FCHO1: variants seen among roughly 807,000 people sequenced by gnomAD.
FCHO1 encodes the protein FCH and mu domain containing endocytic adaptor 1.
A neutral mutation model predicts 114.4 loss-of-function variants in FCHO1; 45 were observed. The observed-to-expected ratio is 0.39, with a 90% CI of 0.31 to 0.50. The LOEUF (loss-of-function observed/expected upper bound fraction) is 0.50, where lower values mean the gene tolerates loss of function less well. Among genes scored for constraint, FCHO1 ranks in the 20% least tolerant of loss-of-function variants. The pLI, the probability that FCHO1 is intolerant of heterozygous loss-of-function variation, is 0.77. For missense variants in FCHO1, 1,042 were observed against 1,209.6 expected (o/e 0.86, Z 2.06); for synonymous variants, 480 against 488.9 (o/e 0.98, Z 0.24).
At chr19:17,756,820 C>T (rs994955703) in intron 4 of FCHO1, among the ~76,000 whole-genome samples, 9 of 152,036 alleles carry the variant, frequency 5.9e-5, no homozygotes, top group Admixed American at 6.6e-5. Context: ...AGGGCAGGGC[C>T]GAAGCATGAA....
At chr19:17,752,341 C>G (rs1012496638) in intron 1 of FCHO1, 1 of 152,148 alleles carries the variant, frequency 6.6e-6, no homozygotes, top group African/African-American at 2.4e-5. Context: ...TCACTACAAC[C>G]TCCGCCTCCC....
rs142922726 is a variant in FCHO1 at position 17,770,832 on chromosome 19, G to T, written c.530G>T (p.Arg177Leu). The T allele has an allele frequency of 6.2e-7, 1 of 1,614,024 alleles. No homozygotes were observed. The highest frequency in any genetic ancestry group is 1.3e-5 in the African/African-American group (1 of 74,938). Residue 177 changes from arginine (R) to leucine (L), a missense_variant, in exon 9 of 29, where the codon CGC (arginine) becomes CTC (leucine). By Grantham distance (102) the Arg-to-Leu change is moderately radical. Transcript: ENST00000596536. ...AAGAAGGCGGCAGAGAGCCTGCGGC[G>T]CTCAGTGGAAAAATACAACTCAGCC... ...KTKKAAESLR[R>L]SVEKYNSARA... is the part of the protein sequence containing the mutation.
Position 17,776,550 on chromosome 19 carries a change from C to A in FCHO1, c.1208-85C>A. 1 of 1,496,896 alleles carries A rather than the reference C, an allele frequency of 6.7e-7. No individual in the cohort carries two copies. The highest frequency in any genetic ancestry group is 9.3e-7 in the Non-Finnish European group (1 of 1,075,204). The allele number at this position is 1,496,896 out of a possible 1,614,324, so 92.7% of individuals were successfully genotyped here. A position where few individuals can be genotyped will look rare whatever the true frequency, so the allele number is the denominator to read the frequency against. On this transcript the variant is annotated intron_variant, in intron 17 of 28. Coordinates refer to ENST00000596536, the MANE Select transcript of FCHO1 (RefSeq NM_015122.3). The surrounding 1 kb of genome is among the most constrained non-coding windows in gnomAD (Gnocchi z 4.4). ...CACCTTGGGCAACTGGCTGGACACCCCCGAGCCTCGGTCCCTTGGTCTGTG... is the reference window on the plus strand; with the variant it reads ...CACCTTGGGCAACTGGCTGGACACCACCGAGCCTCGGTCCCTTGGTCTGTG...
intron 9 of FCHO1, among the ~76,000 whole-genome samples, chr19:17,771,241 A>T (rs1044200136): frequency 1.3e-5 from 2 of 151,748 alleles, no homozygotes; most frequent in African/African-American, 2.4e-5. Context: ...GATAGAGTGG[A>T]ACCCTGTCTC....
chr19:17,753,354 T>G (rs1214280885), intron 1 of FCHO1, among the ~76,000 whole-genome samples: 1 of 152,214 alleles, frequency 6.6e-6, no homozygotes, highest in Non-Finnish European at 1.5e-5. Context: ...GAATGTTTGT[T>G]GAAACAAATA....
chr19:17,788,021 T>C (rs1599826335), intron 28 of FCHO1, among the ~76,000 whole-genome samples, 175 bp downstream of exon 28: 1 of 152,118 alleles, frequency 6.6e-6, no homozygotes, highest in South Asian at 2.1e-4. Flanking sequence ...GCCCTGTGTA[T>C]CTGGGGCTGG....
chr19:17,766,857 C>G, intron 7 of FCHO1, 47 bp downstream of exon 7: 1 of 1,590,394 alleles, frequency 6.3e-7, no homozygotes, highest in Non-Finnish European at 8.6e-7. Context: ...TGTGGAACAC[C>G]GGCAGCTCAC....
intron 4 of FCHO1, among the ~76,000 whole-genome samples, chr19:17,757,365 G>C (rs901486622): frequency 6.6e-6 from 1 of 152,132 alleles, no homozygotes; most frequent in Non-Finnish European, 1.5e-5. Flanking sequence ...CGGGCCAGCA[G>C]TTGGCTCTGA....
Position 17,781,170 on chromosome 19 carries a change from T to C in FCHO1, c.1628-61T>C, listed in dbSNP as rs2093370746. On this transcript the variant is annotated intron_variant, in intron 20 of 28. Coordinates refer to ENST00000596536, the MANE Select transcript of FCHO1 (RefSeq NM_015122.3). Reference sequence around the variant, plus strand: ...AAGATTTTGGCTGAGTTTGTGCCCCTGGGGAGGCCCCAGAGGCCCCGGGCA... The same window carrying C: ...AAGATTTTGGCTGAGTTTGTGCCCCCGGGGAGGCCCCAGAGGCCCCGGGCA... 3 of 1,259,856 alleles carry C rather than the reference T, an allele frequency of 2.4e-6. No homozygotes were observed. The African/African-American group carries it at 4.5e-5, about 19-fold the overall frequency. The allele number at this position is 1,259,856 out of a possible 1,614,324, so 78.0% of individuals were successfully genotyped here.
chr19:17,769,580 AACACACACACACACACACACACACAC>A (rs71162199), intron 7 of FCHO1, among the ~76,000 whole-genome samples: 56 of 144,170 alleles, frequency 3.9e-4, no homozygotes, highest in Middle Eastern at 3.5e-3. Flanking sequence ...CTTCGTCTCA[AACACACACACACACACACACACACAC>A]ACACACACAC....
intron 5 of FCHO1, 56 bp downstream of exon 5, chr19:17,762,909 C>G (rs2086914662): frequency 1.7e-6 from 2 of 1,200,120 alleles, no homozygotes; most frequent in Admixed American, 3.4e-5. Context: ...TGTAGTCACG[C>G]CCACCTAATG....
intron 4 of FCHO1, among the ~76,000 whole-genome samples, chr19:17,760,047 C>CT (rs66667915): frequency 7.1e-6 from 1 of 141,148 alleles, no homozygotes; most frequent in East Asian, 2.0e-4. Context: ...GTTTTGCCAT[C>CT]TTTTTTTTTT....
intron 13 of FCHO1, chr19:17,774,837 C>T (rs2092387506): frequency 1.7e-6 from 1 of 589,186 alleles, no homozygotes; most frequent in Admixed American, 3.1e-5. Flanking sequence ...TCCAGGATTC[C>T]TTCCCTCCCA....
At chr19:17,756,662 T>C (rs1313380819) in intron 4 of FCHO1, among the ~76,000 whole-genome samples, 1 of 152,092 alleles carries the variant, frequency 6.6e-6, no homozygotes, top group African/African-American at 2.4e-5. Flanking sequence ...TCCCACCCCA[T>C]GCACCCCACA....
rs1427915820 is a variant in FCHO1, at chr19:17,776,827, A to G, written c.1259+141A>G. ...TTTTTGTTTTTGTTTTTGTTTTGAGACAGAGTCTCACTCTGTCACCCAGGC... is the reference window on the plus strand; with the variant it reads ...TTTTTGTTTTTGTTTTTGTTTTGAGGCAGAGTCTCACTCTGTCACCCAGGC... On this transcript the variant is annotated intron_variant, in intron 18 of 28. Coordinates refer to ENST00000596536, the MANE Select transcript of FCHO1 (RefSeq NM_015122.3). The surrounding 1 kb of genome is among the most constrained non-coding windows in gnomAD (Gnocchi z 4.4). The G allele has an allele frequency of 1.3e-6, 1 of 758,138 alleles. No homozygotes were observed. The highest frequency in any genetic ancestry group is 1.8e-5 in the African/African-American group (1 of 56,252). 47.0% of individuals were successfully genotyped at this position (758,138 alleles called of 1,614,324 possible).
At chr19:17,757,740 C>G (rs2084226619) in intron 4 of FCHO1, among the ~76,000 whole-genome samples, 1 of 152,072 alleles carries the variant, frequency 6.6e-6, no homozygotes, top group African/African-American at 2.4e-5. Context: ...CATAGCAAGA[C>G]CCCGTCTCTA....
At chr19:17,787,428 A>T (rs1446312300) in intron 27 of FCHO1, among the ~76,000 whole-genome samples, 5 of 150,048 alleles carry the variant, frequency 3.3e-5, no homozygotes, top group Admixed American at 6.6e-5. Context: ...AAAAAAAAAA[A>T]GCTGAAGGAG....
In FCHO1 at chr19:17,781,297, G is replaced by A. The variant is rs952257611; in HGVS notation, c.1694G>A (p.Arg565His). 5.6e-6 allele frequency: 9 copies of A among 1,614,012 alleles called. No homozygotes were observed. Among genetic ancestry groups the A allele is most frequent in the East Asian group, 2.2e-5 (1 of 44,878 alleles). Residue 565 changes from arginine to histidine, a missense_variant, in exon 21 of 29, where the codon CGC becomes CAC. By Grantham distance (29) the Arg-to-His change is conservative (BLOSUM62 0). Around this residue, in one of 3 missense-constraint regions of FCHO1, gnomAD observed 455 missense variants for 455.4 expected, o/e 1.00. Transcript: ENST00000596536. ...CTGGCAGCCCCACCCAGGAGACTTCGCTCTAGGAAGGTGTCCTGCCCTCTC... is the reference window on the plus strand; with the variant it reads ...CTGGCAGCCCCACCCAGGAGACTTCACTCTAGGAAGGTGTCCTGCCCTCTC... ...EGLAAPPRRL[R>H]SRKVSCPLTR...
At chr19:17,780,006 C>T (rs1265573772) in intron 20 of FCHO1, among the ~76,000 whole-genome samples, 1 of 151,514 alleles carries the variant, frequency 6.6e-6, no homozygotes, top group Admixed American at 6.6e-5. Context: ...GAATGGGAAG[C>T]CCCCGAGTCA....
Sources: gnomAD v4.1 joint callset for allele counts (sites outside exome capture counted in the v4.1 genomes callset) on GRCh38, gnomAD v4.1.1 for gene constraint, gnomAD v4.1.1 regional missense constraint, Gnocchi (gnomAD v3.1) non-coding constraint, MANE v1.5 for transcripts, NCBI Gene and HGNC (gene_info 2026-07-23, HGNC 2026-07-21) for gene names.